Variants in GPC5 observed in about 807,000 individuals in gnomAD.
GPC5 encodes glypican-5.
In GPC5, 47 loss-of-function variants were observed where a neutral mutation model predicts 53.9. The observed-to-expected ratio is 0.87, with a 90% CI of 0.69 to 1.11. The LOEUF (loss-of-function observed/expected upper bound fraction) is 1.11. Among genes scored for constraint, GPC5 ranks in the 50% most tolerant of loss-of-function variants. The pLI, the probability that GPC5 is intolerant of heterozygous loss-of-function variation, is 0.00. For synonymous variants in GPC5, 286 were observed against 263.3 expected, an observed-to-expected ratio of 1.09 and a Z score of -0.84; for missense variants, 748 against 713.1, an observed-to-expected ratio of 1.05 and a Z score of -0.56.
At chr13:92,269,888 A>G (rs968884625) in intron 7 of GPC5, among the ~76,000 whole-genome samples, 1 of 152,192 alleles carries the variant, frequency 6.6e-6, no homozygotes, top group South Asian at 2.1e-4. Context: ...ACTAGACATT[A>G]TCAGCATTTC....
chr13:92,539,139 A>C (rs865934522), intron 7 of GPC5, among the ~76,000 whole-genome samples: 66 of 149,188 alleles, frequency 4.4e-4, no homozygotes, highest in African/African-American at 1.2e-3. Flanking sequence ...GATTTATAAT[A>C]CTTTGGGTAT....
chr13:92,641,159 G>A (rs75679368), intron 7 of GPC5, among the ~76,000 whole-genome samples: 2,708 of 152,184 alleles, frequency 0.018, 84 homozygotes, highest in African/African-American at 0.061. Flanking sequence ...GAAAAGTACT[G>A]ACTAAACAGT....
intron 6 of GPC5, among the ~76,000 whole-genome samples, chr13:91,963,397 C>T (rs2040145079): frequency 6.6e-6 from 1 of 152,138 alleles, no homozygotes; most frequent in South Asian, 2.1e-4. Context: ...TACATGTTCT[C>T]TTACAGAAGT....
At position 91,588,608 on chromosome 13, in the gene GPC5, AATTG is replaced by A. The variant is rs551102380; in HGVS notation, c.326-104575_326-104572del. 3.3e-4 allele frequency among the ~76,000 whole-genome samples: 51 copies of A among 152,262 alleles called. No individual in the cohort carries two copies. In the East Asian group the frequency reaches 8.9e-3, roughly 27 times the overall value. On this transcript the variant is annotated intron_variant, in intron 2 of 7. Coordinates refer to ENST00000377067, the MANE Select transcript of GPC5 (RefSeq NM_004466.6). The stretch of plus-strand genomic sequence containing the variant: ...CTTAAAAATTATACCCTCAAATTTA[AATTG>A]ATTTCATACATCTTCACCTATCCTT...
chr13:91,517,956 A>G (rs937722665), intron 2 of GPC5, among the ~76,000 whole-genome samples: 1 of 152,186 alleles, frequency 6.6e-6, no homozygotes, highest in Non-Finnish European at 1.5e-5. Context: ...GGCCCCTCCC[A>G]CAACATGTGG....
chr13:91,505,084 A>G (rs1007036980), intron 2 of GPC5, among the ~76,000 whole-genome samples: 6 of 152,246 alleles, frequency 3.9e-5, no homozygotes, highest in African/African-American at 1.4e-4. Context: ...TTGTGTATAT[A>G]TATTGAATGT....
chr13:91,546,043 A>G (rs998270353), intron 2 of GPC5, among the ~76,000 whole-genome samples: 5 of 152,126 alleles, frequency 3.3e-5, no homozygotes, highest in Non-Finnish European at 7.4e-5. Context: ...ATATAATGTA[A>G]GAGGTCATGT....
chr13:92,353,117 A>C (rs576564339), intron 7 of GPC5, among the ~76,000 whole-genome samples: 22 of 150,742 alleles, frequency 1.5e-4, no homozygotes, highest in African/African-American at 5.1e-4. Context: ...AAAATTAGCC[A>C]GGCGCGGTGG....
chr13:91,700,503 A>G (rs768558379), intron 3 of GPC5, among the ~76,000 whole-genome samples: 25 of 152,224 alleles, frequency 1.6e-4, no homozygotes, highest in Non-Finnish European at 3.5e-4. Context: ...GAGGCCTCCT[A>G]GAAGAGTGGT....
chr13:92,036,762 G>C (rs973770684), intron 6 of GPC5, among the ~76,000 whole-genome samples: 1 of 152,040 alleles, frequency 6.6e-6, no homozygotes, highest in Admixed American at 6.5e-5. Context: ...TCTGTATATT[G>C]TATGAGTGTT....
At position 92,144,970 on chromosome 13, in the gene GPC5, G is replaced by A. The variant is rs1357417493; in HGVS notation, c.1542G>A (p.Arg514=). 1.3e-6 allele frequency: 2 copies of A among 1,532,600 alleles called. No individual in the cohort carries two copies. The highest frequency in any genetic ancestry group is 1.4e-5 in the African/African-American group (1 of 70,662). 94.9% of individuals were successfully genotyped at this position (1,532,600 alleles called of 1,614,324 possible). ...CGGSGSGEVK[R]TLKITDWMPD... is the part of the protein sequence containing the mutation. ...GATCAGGAAGTGGAGAAGTCAAGAG[G>A]ACACTGAAGATCACAGACTGTAAGT... Residue 514 remains arginine (R), a synonymous_variant, in exon 7 of 8, where the codon AGG becomes AGA. Transcript: ENST00000377067.
Position 92,112,847 on chromosome 13 carries a change from C to G in GPC5, c.1402-31983C>G, listed in dbSNP as rs564748292. Among the ~76,000 whole-genome samples the G allele has an allele frequency of 5.9e-5, 9 of 152,160 alleles. 1 individual carries two copies. The highest frequency in any genetic ancestry group is 2.2e-4 in the African/African-American group (9 of 41,554). On this transcript the variant is annotated intron_variant, in intron 6 of 7. Coordinates refer to ENST00000377067, the MANE Select transcript of GPC5 (RefSeq NM_004466.6). The stretch of plus-strand genomic sequence containing the variant: ...TCAAGTATAGAAAGTATAATTAAGA[C>G]TATTCCTGATAGCTAAGGAGAAAGG...
At chr13:91,648,139 CT>C (rs2034606156) in intron 2 of GPC5, among the ~76,000 whole-genome samples, 1 of 152,172 alleles carries the variant, frequency 6.6e-6, no homozygotes, top group Non-Finnish European at 1.5e-5. Context: ...ATGAAAAATA[CT>C]TTAGCATACA....
chr13:91,944,235 A>G (rs1338773460), intron 6 of GPC5, among the ~76,000 whole-genome samples: 1 of 151,996 alleles, frequency 6.6e-6, no homozygotes, highest in East Asian at 1.9e-4. Context: ...AGCTGGGACT[A>G]CAGGCACCTG....
At chr13:92,781,309 A>T (rs1876016316) in intron 7 of GPC5, among the ~76,000 whole-genome samples, 1 of 152,140 alleles carries the variant, frequency 6.6e-6, no homozygotes, top group Non-Finnish European at 1.5e-5. Context: ...CTTACTACTG[A>T]ACAGGTTTAC....
At chr13:91,502,091 T>C (rs1162624596) in intron 2 of GPC5, among the ~76,000 whole-genome samples, 1 of 152,192 alleles carries the variant, frequency 6.6e-6, no homozygotes, top group Non-Finnish European at 1.5e-5. Flanking sequence ...TTGATGGGGT[T>C]GTTTGTTTTT....
intron 2 of GPC5, among the ~76,000 whole-genome samples, chr13:91,662,218 T>A (rs886448740): frequency 6.6e-6 from 1 of 152,160 alleles, no homozygotes; most frequent in Non-Finnish European, 1.5e-5. Context: ...CCAGTAAGGT[T>A]GGCAGAAGGA....
rs559132172 is a variant in GPC5 at position 92,009,983 on chromosome 13, A to C, written c.1401+101926A>C. On this transcript the variant is annotated intron_variant, in intron 6 of 7. Coordinates refer to ENST00000377067, the MANE Select transcript of GPC5 (RefSeq NM_004466.6). ...GTGGAATCCCCTTGTATAATTTTGT[A>C]AACATAGAGTACTTTGTATAGATAT... is the stretch of plus-strand genomic sequence containing the variant. Among the ~76,000 whole-genome samples the C allele has an allele frequency of 3.3e-5, 5 of 152,330 alleles. No homozygotes were observed. In the South Asian group the frequency reaches 1.0e-3, roughly 32 times the overall value.
chr13:91,486,681 A>G (rs1387691859), intron 2 of GPC5: 1 of 152,222 alleles, frequency 6.6e-6, no homozygotes, highest in Non-Finnish European at 1.5e-5. Context: ...GAACCAGAAA[A>G]CAAACAAAAA....
Sources: gnomAD v4.1 joint callset for allele counts (sites outside exome capture counted in the v4.1 genomes callset) on GRCh38, gnomAD v4.1.1 for gene constraint, MANE v1.5 for transcripts, NCBI Gene and HGNC (gene_info 2026-07-23, HGNC 2026-07-21) for gene names.